ANKRD36C: variants seen among roughly 807,000 people sequenced by gnomAD.
The protein encoded by ANKRD36C is ankyrin repeat domain 36C.
A neutral mutation model predicts 276.4 loss-of-function variants in ANKRD36C; 61 were observed. The observed-to-expected ratio is 0.22, with a 90% CI of 0.18 to 0.27. The LOEUF (loss-of-function observed/expected upper bound fraction) is 0.27, where lower values mean the gene tolerates loss of function less well. Among genes scored for constraint, ANKRD36C ranks in the 10% least tolerant of loss-of-function variants. The pLI is 1.00. For missense variants in ANKRD36C, 1,447 were observed against 2,032.3 expected, an observed-to-expected ratio of 0.71 and a Z score of 5.54; for synonymous variants, 483 against 680.1, an observed-to-expected ratio of 0.71 and a Z score of 4.51.
intron 59 of ANKRD36C, among the ~76,000 whole-genome samples, chr2:95,869,647 C>A (rs1675757804): frequency 6.6e-6 from 1 of 152,168 alleles, no homozygotes; most frequent in Non-Finnish European, 1.5e-5. Context: ...CTAAAGAGTG[C>A]CAGACAGTGG....
At chr2:95,878,183 C>CAAAAA (rs566417679) in intron 58 of ANKRD36C, among the ~76,000 whole-genome samples, 1 of 62,736 alleles carries the variant, frequency 1.6e-5, no homozygotes, top group Non-Finnish European at 3.4e-5. Flanking sequence ...GACTCTGTCT[C>CAAAAA]AAAAAAAAAA....
intron 1 of ANKRD36C, among the ~76,000 whole-genome samples, chr2:95,988,446 T>C (rs367887576): frequency 6.6e-6 from 1 of 151,884 alleles, no homozygotes; most frequent in African/African-American, 2.4e-5. Flanking sequence ...TCAGTCCTAA[T>C]GCTTCCATTT....
At chr2:95,898,100 C>T (rs1429520468) in intron 44 of ANKRD36C, among the ~76,000 whole-genome samples, 7 of 148,858 alleles carry the variant, frequency 4.7e-5, no homozygotes, top group East Asian at 3.9e-4. Flanking sequence ...TTTAGCCTTC[C>T]GAAAGTTTCT....
At chr2:95,972,217 T>C (rs533213090) in intron 6 of ANKRD36C, among the ~76,000 whole-genome samples, 13 of 152,332 alleles carry the variant, frequency 8.5e-5, no homozygotes, top group African/African-American at 2.9e-4. Context: ...TCACTATACC[T>C]AAACTGTTTG....
At chr2:95,896,837 C>T (rs1465850348) in intron 44 of ANKRD36C, among the ~76,000 whole-genome samples, 2 of 149,884 alleles carry the variant, frequency 1.3e-5, no homozygotes, top group African/African-American at 4.9e-5. Context: ...AAAATAGTTG[C>T]TACACCAGGG....
intron 13 of ANKRD36C, among the ~76,000 whole-genome samples, chr2:95,954,340 C>T (rs1246390301): frequency 3.3e-5 from 5 of 152,104 alleles, no homozygotes; most frequent in Non-Finnish European, 7.4e-5. Flanking sequence ...ACCATAAAGG[C>T]TAAACTGAAA....
chr2:95,943,587 C>CA (rs1442557415), intron 19 of ANKRD36C, among the ~76,000 whole-genome samples: 1 of 150,038 alleles, frequency 6.7e-6, no homozygotes, highest in Non-Finnish European at 1.5e-5. Flanking sequence ...CTCTTATTAT[C>CA]AAAAAAGGCT....
chr2:95,963,331 C>T (rs896972904), intron 6 of ANKRD36C, among the ~76,000 whole-genome samples: 1 of 152,002 alleles, frequency 6.6e-6, no homozygotes, highest in Non-Finnish European at 1.5e-5. Context: ...TTGGAAATGA[C>T]TCCAATATTC....
chr2:95,916,316 G>A, intron 36 of ANKRD36C, 145 bp from the exon 39 acceptor site: 1 of 1,395,244 alleles, frequency 7.2e-7, no homozygotes, highest in South Asian at 1.2e-5. Context: ...CTGGGGACTA[G>A]AACATGACAG....
intron 3 of ANKRD36C, among the ~76,000 whole-genome samples, chr2:95,984,581 AT>A (rs945342744): frequency 2.0e-5 from 3 of 151,646 alleles, no homozygotes. Context: ...TTAGTTTCAG[AT>A]TTTTTTTTCC....
chr2:95,946,403 A>C (rs1436550717), intron 17 of ANKRD36C, among the ~76,000 whole-genome samples: 3 of 142,478 alleles, frequency 2.1e-5, no homozygotes, highest in Non-Finnish European at 4.6e-5. Context: ...AAAAGTCAGG[A>C]AACAACAGGT....
chr2:95,919,999 C>A (rs1677222094), intron 34 of ANKRD36C, 79 bp from the exon 35 acceptor site: 5 of 1,438,746 alleles, frequency 3.5e-6, no homozygotes, highest in Non-Finnish European at 3.7e-6. Flanking sequence ...GTGTTAGCAT[C>A]AAGCTGTATC....
chr2:95,957,952 T>G (rs958346923), intron 12 of ANKRD36C, among the ~76,000 whole-genome samples: 1 of 152,094 alleles, frequency 6.6e-6, no homozygotes, highest in Non-Finnish European at 1.5e-5. Context: ...GTGACTGTGG[T>G]TCATCACAAT....
chr2:95,953,217 T>C (rs1678244615), intron 14 of ANKRD36C, among the ~76,000 whole-genome samples: 1 of 152,092 alleles, frequency 6.6e-6, no homozygotes, highest in Admixed American at 6.6e-5. Flanking sequence ...AGCACAGAAT[T>C]TGAATTTCTA....
chr2:95,929,062 G>A lies in ANKRD36C; in HGVS notation c.1837+10C>T, dbSNP rs759217743. ...TTGAACATGACATTAGAAGTGTTTT[G>A]CAAAATTACCTGTCCCAGATATTGG... On this transcript the variant is annotated intron_variant, in intron 26 of 66. Transcript: ENST00000456556. 7.5e-6 allele frequency: 12 copies of A among 1,602,360 alleles called. No homozygotes were observed. The highest frequency in any genetic ancestry group is 1.0e-5 in the Non-Finnish European group (12 of 1,177,870).
At chr2:95,889,909 G>A in intron 47 of ANKRD36C, 38 bp from the exon 68 acceptor site, 2 of 1,598,504 alleles carry the variant, frequency 1.3e-6, no homozygotes, top group South Asian at 2.2e-5. Flanking sequence ...AATAAATAAA[G>A]TATGTTTCAT....
chr2:95,983,584 C>CATTCATTT (rs780443407), intron 3 of ANKRD36C, among the ~76,000 whole-genome samples: 50 of 148,760 alleles, frequency 3.4e-4, no homozygotes, highest in African/African-American at 1.1e-3. Context: ...TTATTTGCAT[C>CATTCATTT]ATTTATTTAT....
intron 24 of ANKRD36C, among the ~76,000 whole-genome samples, chr2:95,930,731 C>A (rs1446432894): frequency 6.6e-6 from 1 of 151,340 alleles, no homozygotes; most frequent in Non-Finnish European, 1.5e-5. Flanking sequence ...TTCTTTGATT[C>A]CTTTTTTTTA....
intron 40 of ANKRD36C, among the ~76,000 whole-genome samples, chr2:95,913,902 T>C (rs1677009162): frequency 6.6e-6 from 1 of 151,440 alleles, no homozygotes; most frequent in Non-Finnish European, 1.5e-5. Context: ...CCAGTTTCAA[T>C]GTGGGGAAAT....
Sources: gnomAD v4.1 joint callset for allele counts (sites outside exome capture counted in the v4.1 genomes callset) on GRCh38, gnomAD v4.1.1 for gene constraint, MANE v1.5 for transcripts, NCBI Gene and HGNC (gene_info 2026-07-23, HGNC 2026-07-21) for gene names.